The following RBBP8 variants were observed in gnomAD, a reference collection of about 807,000 sequenced individuals.
RBBP8 encodes DNA endonuclease RBBP8.
Under a neutral mutation model 108.3 loss-of-function variants are expected in RBBP8, and 88 were observed. The ratio of observed to expected loss-of-function variants is 0.81; its 90% CI spans 0.68 to 0.97. The LOEUF (loss-of-function observed/expected upper bound fraction) is 0.97. RBBP8 is among the 50% of genes least tolerant of loss of function. The probability of loss-of-function intolerance (pLI) is 0.00; values close to 1 mark genes in which losing one functional copy is unlikely to be tolerated. For synonymous variants in RBBP8, 332 were observed against 348.2 expected, an observed-to-expected ratio of 0.95 and a Z score of 0.52; for missense variants, 1,023 against 1,049.0, an observed-to-expected ratio of 0.98 and a Z score of 0.34.
chr18:22,941,495 G>T (rs1463813977), intron 2 of RBBP8, among the ~76,000 whole-genome samples: 2 of 152,050 alleles, frequency 1.3e-5, no homozygotes, highest in Non-Finnish European at 2.9e-5. Context: ...TAATTTAATA[G>T]AAATAAAATA....
At chr18:22,980,965 C>CTGTTTTTT (rs1914879451) in intron 6 of RBBP8, among the ~76,000 whole-genome samples, 1 of 69,490 alleles carries the variant, frequency 1.4e-5, no homozygotes, top group Non-Finnish European at 2.6e-5. Context: ...CCACTTATGT[C>CTGTTTTTT]TTTTTTTTTT....
intron 2 of RBBP8, among the ~76,000 whole-genome samples, chr18:22,939,029 A>T (rs984275111): frequency 1.3e-5 from 2 of 152,230 alleles, no homozygotes; most frequent in Non-Finnish European, 2.9e-5. Context: ...ATTTTAATAT[A>T]CTTTAATTCT....
At position 22,946,501 on chromosome 18, in the gene RBBP8, G is replaced by T. The variant is rs758250152; in HGVS notation, c.152+15G>T. The T allele has an allele frequency of 6.2e-7, 1 of 1,611,990 alleles. No homozygotes were observed. Among genetic ancestry groups the T allele is most frequent in the Non-Finnish European group, 8.5e-7 (1 of 1,178,894 alleles). Reference sequence around the variant, plus strand: ...GAACGAATCTTGTAAGTATCAGTATGTAATACTCATGTGTTATTTATAGAG... The same window carrying T: ...GAACGAATCTTGTAAGTATCAGTATTTAATACTCATGTGTTATTTATAGAG... On this transcript the variant is annotated intron_variant, in intron 3 of 18. Transcript: ENST00000327155.
chr18:23,013,657 T>C (rs2046208890), intron 16 of RBBP8, among the ~76,000 whole-genome samples: 1 of 152,172 alleles, frequency 6.6e-6, no homozygotes, highest in African/African-American at 2.4e-5. Context: ...GAGGAGTTAG[T>C]TTTGGGAAGG....
At chr18:22,933,781 C>T (rs1006415574) in intron 1 of RBBP8, 2 of 152,128 alleles carry the variant, frequency 1.3e-5, no homozygotes, top group Non-Finnish European at 2.9e-5. Flanking sequence ...GGGTCTCCCG[C>T]GCGGGCTGAG....
chr18:22,967,365 C>CAA (rs200892497), intron 4 of RBBP8, among the ~76,000 whole-genome samples: 157 of 108,038 alleles, frequency 1.5e-3, no homozygotes, highest in East Asian at 3.3e-3. Flanking sequence ...GACTCCGTCT[C>CAA]AAAAAAAAAA....
At chr18:23,014,133 G>A (rs563454686) in intron 16 of RBBP8, among the ~76,000 whole-genome samples, 1 of 152,002 alleles carries the variant, frequency 6.6e-6, no homozygotes, top group Non-Finnish European at 1.5e-5. Flanking sequence ...CAAGTAGCTG[G>A]GATTACAGGC....
chr18:22,993,301 G>C lies in RBBP8; in HGVS notation c.1474G>C (p.Asp492His). Reference sequence around the variant, plus strand: ...AGACTGTGTGATGGATAAACCTCTGGATCTGTCTGATCGATTTTCAGCTAT... The same window carrying C: ...AGACTGTGTGATGGATAAACCTCTGCATCTGTCTGATCGATTTTCAGCTAT... ...NGDCVMDKPL[D>H]LSDRFSAIQR... The change falls in exon 11 of 19, where the codon GAT becomes CAT. Residue 492 changes from aspartate to histidine, a missense_variant. Coordinates refer to ENST00000327155, the MANE Select transcript of RBBP8 (RefSeq NM_002894.3). 1.2e-6 allele frequency: 2 copies of C among 1,614,210 alleles called. No individual in the cohort carries two copies. The highest frequency in any genetic ancestry group is 1.7e-6 in the Non-Finnish European group (2 of 1,180,038).
intron 18 of RBBP8, among the ~76,000 whole-genome samples, chr18:23,024,995 C>T (rs977619369): frequency 2.0e-5 from 3 of 152,186 alleles, no homozygotes; most frequent in African/African-American, 7.2e-5. Context: ...CACCTATAAT[C>T]CCAGCACTTT....
intron 4 of RBBP8, among the ~76,000 whole-genome samples, chr18:22,966,797 G>C (rs1413509772): frequency 7.0e-6 from 1 of 142,382 alleles, no homozygotes; most frequent in East Asian, 2.1e-4. Context: ...CACTATCTCA[G>C]CTTACTGTAA....
intron 17 of RBBP8, among the ~76,000 whole-genome samples, chr18:23,018,101 G>A (rs2046292183): frequency 6.6e-6 from 1 of 151,258 alleles, no homozygotes; most frequent in African/African-American, 2.4e-5. Flanking sequence ...GCCTAGGCTG[G>A]AGCACAATAG....
chr18:22,964,281 T>C (rs1913367831), intron 4 of RBBP8, among the ~76,000 whole-genome samples: 1 of 152,022 alleles, frequency 6.6e-6, no homozygotes, highest in Non-Finnish European at 1.5e-5. Context: ...TTCTGAACGC[T>C]TATGGGCTCT....
chr18:22,976,718 A>C (rs2084815538), intron 6 of RBBP8, among the ~76,000 whole-genome samples: 1 of 152,074 alleles, frequency 6.6e-6, no homozygotes. Flanking sequence ...AATTTATGTG[A>C]AGTGATTATG....
At chr18:22,964,215 A>G (rs1003030614) in intron 4 of RBBP8, among the ~76,000 whole-genome samples, 4 of 151,992 alleles carry the variant, frequency 2.6e-5, no homozygotes, top group African/African-American at 4.8e-5. Context: ...CGATCCTCCC[A>G]TCTCTATTCT....
chr18:22,983,055 C>T (rs1185911603), intron 7 of RBBP8, among the ~76,000 whole-genome samples: 1 of 152,152 alleles, frequency 6.6e-6, no homozygotes, highest in African/African-American at 2.4e-5. Flanking sequence ...ATAATATGTA[C>T]ACTTTGTGGC....
At chr18:23,006,764 A>C (rs553099104) in intron 16 of RBBP8, among the ~76,000 whole-genome samples, 1 of 152,180 alleles carries the variant, frequency 6.6e-6, no homozygotes, top group Non-Finnish European at 1.5e-5. Context: ...GGCCTCTCAA[A>C]GTGCTGGGAT....
At chr18:22,948,844 A>G (rs192343939) in intron 3 of RBBP8, among the ~76,000 whole-genome samples, 1 of 152,338 alleles carries the variant, frequency 6.6e-6, no homozygotes, top group East Asian at 1.9e-4. Flanking sequence ...CTTAGAATTA[A>G]AATATGTGAA....
chr18:22,947,840 A>G (rs879291642), intron 3 of RBBP8, among the ~76,000 whole-genome samples: 6 of 152,056 alleles, frequency 3.9e-5, no homozygotes, highest in African/African-American at 1.4e-4. Context: ...CTTGACCTGA[A>G]TATTTTATTA....
chr18:22,955,280 G>C (rs902749323), intron 4 of RBBP8, among the ~76,000 whole-genome samples: 1 of 152,124 alleles, frequency 6.6e-6, no homozygotes, highest in Non-Finnish European at 1.5e-5. Context: ...TCGTTGTTTT[G>C]TAGACTTGCT....
Sources: gnomAD v4.1 joint callset for allele counts (sites outside exome capture counted in the v4.1 genomes callset) on GRCh38, gnomAD v4.1.1 for gene constraint, MANE v1.5 for transcripts, NCBI Gene and HGNC (gene_info 2026-07-23, HGNC 2026-07-21) for gene names.